CLTCL1: variants seen among roughly 807,000 people sequenced by gnomAD.
CLTCL1 encodes the protein clathrin heavy chain like 1.
Under a neutral mutation model 190.0 loss-of-function variants are expected in CLTCL1, and 159 were observed. The observed-to-expected ratio is 0.84, with a 90% confidence interval of 0.74 to 0.95. The LOEUF is 0.95. Among genes scored for constraint, CLTCL1 ranks in the 40% least tolerant of loss-of-function variants. The pLI is 0.00. For synonymous variants in CLTCL1, 752 were observed against 769.6 expected (o/e 0.98, Z 0.38); for missense variants, 1,878 against 2,033.4 (o/e 0.92, Z 1.47).
intron 14 of CLTCL1, among the ~76,000 whole-genome samples, chr22:19,223,561 G>T (rs1344098861): frequency 6.6e-6 from 1 of 152,164 alleles, no homozygotes; most frequent in African/African-American, 2.4e-5. Context: ...TAGGCTTCCT[G>T]TTCTTTATGA....
At chr22:19,275,402 G>A (rs1039905297) in intron 2 of CLTCL1, among the ~76,000 whole-genome samples, 2 of 151,940 alleles carry the variant, frequency 1.3e-5, no homozygotes, top group Admixed American at 6.6e-5. Context: ...TCTTCCTCTC[G>A]GTGTGTCTGG....
At chr22:19,193,964 C>G (rs1391661059) in intron 26 of CLTCL1, among the ~76,000 whole-genome samples, 1 of 152,228 alleles carries the variant, frequency 6.6e-6, no homozygotes, top group African/African-American at 2.4e-5. Flanking sequence ...AAGACCCGAA[C>G]AGGTTGCACT....
At chr22:19,219,246 GGCGT>G (rs1555951068) in intron 18 of CLTCL1, among the ~76,000 whole-genome samples, 2 of 151,904 alleles carry the variant, frequency 1.3e-5, no homozygotes, top group African/African-American at 2.4e-5. Context: ...GGAGTGCAGT[GGCGT>G]GCAGTCTCGG....
intron 2 of CLTCL1, among the ~76,000 whole-genome samples, chr22:19,266,443 C>T (rs1324777889): frequency 6.6e-6 from 1 of 152,076 alleles, no homozygotes; most frequent in East Asian, 1.9e-4. Flanking sequence ...TAAAATCTTC[C>T]CACAAAGAAA....
At chr22:19,262,848 T>C (rs2086995801) in intron 2 of CLTCL1, among the ~76,000 whole-genome samples, 2 of 151,766 alleles carry the variant, frequency 1.3e-5, no homozygotes, top group East Asian at 2.0e-4. Flanking sequence ...CTGGCCAACA[T>C]GGTGAAACCC....
chr22:19,242,699 C>T, intron 4 of CLTCL1, 76 bp downstream of exon 4: 1 of 1,524,342 alleles, frequency 6.6e-7, no homozygotes, highest in Non-Finnish European at 9.0e-7. Context: ...AGGCCATGCC[C>T]AGCCACACAC....
intron 3 of CLTCL1, among the ~76,000 whole-genome samples, chr22:19,249,684 A>C (rs912386259): frequency 6.6e-6 from 1 of 152,166 alleles, no homozygotes; most frequent in Admixed American, 6.6e-5. Flanking sequence ...CAACAGAGCA[A>C]GGCTCTGTCT....
Position 19,208,219 on chromosome 22 carries a change from T to C in CLTCL1, c.3535A>G (p.Lys1179Glu). 1.2e-6 allele frequency: 2 copies of C among 1,613,856 alleles called. No homozygotes were observed. ...IETELIFALAKTSRVSELEDF... is the reference protein window; with the variant it reads ...IETELIFALAETSRVSELEDF... ...TCTAGCTCAGAAACACGGCTGGTTT[T>C]AGCCAAGGCAAAAATAAGTTCAGTC... The change falls in exon 22 of 33, where the codon AAA becomes GAA. Residue 1179 changes from lysine to glutamate, a missense_variant. By Grantham distance (56) the Lys-to-Glu change is moderately conservative. Transcript: ENST00000427926.
At position 19,198,409 on chromosome 22, in the gene CLTCL1, T is replaced by G. The variant is rs144503720; in HGVS notation, c.3873+1325A>C. On this transcript the variant is annotated intron_variant, in intron 24 of 32. Coordinates refer to ENST00000427926, the MANE Select transcript of CLTCL1 (RefSeq NM_007098.4). The surrounding 1 kb of genome is among the most constrained non-coding windows in gnomAD (Gnocchi z 4.1). ...CAGCACATGAGCCACCATGATCCTT[T>G]TACCCCCGACAGCCCTGCACCCATC... is the stretch of plus-strand genomic sequence containing the variant. 2.4e-4 allele frequency among the ~76,000 whole-genome samples: 37 copies of G among 152,256 alleles called. No individual in the cohort carries two copies. The highest frequency in any genetic ancestry group is 3.4e-3 in the Middle Eastern group (1 of 294).
intron 10 of CLTCL1, among the ~76,000 whole-genome samples, chr22:19,232,052 G>C (rs1555959300): frequency 6.6e-6 from 1 of 152,140 alleles, no homozygotes; most frequent in East Asian, 1.9e-4. Context: ...TAAAAAACAG[G>C]CTGATGCTCA....
rs56410068 is a variant in CLTCL1 at position 19,274,730 on chromosome 22, C to CTT, written c.250+891_250+892dup. Among the ~76,000 whole-genome samples the CTT allele has an allele frequency of 6.8e-3, 923 of 135,834 alleles. 10 individuals are homozygous for CTT. The highest frequency in any genetic ancestry group is 0.023 in the African/African-American group (837 of 37,186). 89.1% of individuals were successfully genotyped at this position (135,834 alleles called of 152,430 possible). ...AAACAGTTTTTGCTTTTCTTTGTTTCTTTTTTTTTTTTTTTTGAGACCGAT... is the reference window on the plus strand; with the variant it reads ...AAACAGTTTTTGCTTTTCTTTGTTTCTTTTTTTTTTTTTTTTTTGAGACCGAT... On this transcript the variant is annotated intron_variant, in intron 2 of 32. Transcript: ENST00000427926.
At position 19,209,064 on chromosome 22, in the gene CLTCL1, C is replaced by G. The variant is rs2085139177; in HGVS notation, c.3300G>C (p.Glu1100Asp). ...TCCACACAGCAGGCTCATTGCATCT[C>G]TCCGCAAACTCATATGCCCGGTCCA... is the stretch of plus-strand genomic sequence containing the variant. ...GNLDRAYEFA[E>D]RCNEPAVWSQ... The change falls in exon 21 of 33, where the codon GAG becomes GAC. Residue 1100 changes from glutamate to aspartate, a missense_variant. By Grantham distance (45) the Glu-to-Asp change is conservative (BLOSUM62 2). Transcript: ENST00000427926. 6.2e-7 allele frequency: 1 copy of G among 1,609,580 alleles called. No homozygotes were observed. The highest frequency in any genetic ancestry group is 8.5e-7 in the Non-Finnish European group (1 of 1,177,828).
At chr22:19,226,488 A>G in intron 11 of CLTCL1, 105 bp from the exon 12 acceptor site, 1 of 1,270,996 alleles carries the variant, frequency 7.9e-7, no homozygotes, top group Admixed American at 1.9e-5. Context: ...GGCAACCAGA[A>G]CTCACAGGCC....
intron 29 of CLTCL1, chr22:19,184,917 AGCTCT>A: frequency 8.2e-6 from 2 of 243,574 alleles, no homozygotes; most frequent in Non-Finnish European, 1.6e-5. Flanking sequence ...CCCTGTGTCC[AGCTCT>A]CCAGTCTACA....
intron 19 of CLTCL1, 96 bp downstream of exon 19, chr22:19,216,015 G>C: frequency 8.1e-7 from 1 of 1,230,740 alleles, no homozygotes. Flanking sequence ...GGGCAGGCTG[G>C]ATGGGTGAAG....
chr22:19,216,056 CA>C, intron 19 of CLTCL1, 54 bp downstream of exon 19: 1 of 1,566,348 alleles, frequency 6.4e-7, no homozygotes, highest in Non-Finnish European at 8.7e-7. Context: ...AGATGAGTAT[CA>C]AGCAGATGTT....
chr22:19,261,230 A>G (rs1208322657), intron 2 of CLTCL1, among the ~76,000 whole-genome samples: 1 of 151,748 alleles, frequency 6.6e-6, no homozygotes, highest in Non-Finnish European at 1.5e-5. Context: ...CTCCTGCCTC[A>G]GCCTCCCCAG....
At chr22:19,254,337 T>C (rs2086686353) in intron 2 of CLTCL1, 110 bp from the exon 3 acceptor site, 1 of 906,434 alleles carries the variant, frequency 1.1e-6, no homozygotes. Context: ...GTTGTACTGC[T>C]AATCTGATTA....
At chr22:19,220,650 G>A (rs558091331) in intron 17 of CLTCL1, among the ~76,000 whole-genome samples, 11 of 152,306 alleles carry the variant, frequency 7.2e-5, no homozygotes, top group African/African-American at 2.6e-4. Context: ...CCAGATGCCC[G>A]GCACAAGGCT....
Sources: gnomAD v4.1 joint callset for allele counts (sites outside exome capture counted in the v4.1 genomes callset) on GRCh38, gnomAD v4.1.1 for gene constraint, Gnocchi (gnomAD v3.1) non-coding constraint, MANE v1.5 for transcripts, NCBI Gene and HGNC (gene_info 2026-07-23, HGNC 2026-07-21) for gene names.